ITGBL1: variants seen among roughly 807,000 people sequenced by gnomAD.
ITGBL1 encodes the protein integrin subunit beta like 1.
Under a neutral mutation model 68.5 loss-of-function variants are expected in ITGBL1, and 51 were observed. The observed-to-expected ratio is 0.74, with a 90% CI of 0.59 to 0.94. ITGBL1 has a LOEUF of 0.94. ITGBL1 is among the 40% of genes least tolerant of loss of function. The pLI is 0.00. For synonymous variants in ITGBL1, 209 were observed against 227.3 expected (o/e 0.92, Z 0.72); for missense variants, 649 against 647.4 (o/e 1.00, Z -0.03).
rs375251463 is a variant in ITGBL1 at position 101,622,012 on chromosome 13, A to T, written c.1015+23713A>T. The stretch of plus-strand genomic sequence containing the variant: ...GGGAGGAAATGTTTTAATACATTTA[A>T]GATAGTGGAATATAAATAAGCAGGC... On this transcript the variant is annotated intron_variant, in intron 7 of 10. Transcript: ENST00000376180. Among the ~76,000 whole-genome samples the T allele has an allele frequency of 9.9e-5, 15 of 152,276 alleles. No individual in the cohort carries two copies. The East Asian group carries it at 2.9e-3, about 29-fold the overall frequency.
intron 2 of ITGBL1, among the ~76,000 whole-genome samples, chr13:101,477,058 A>G (rs925582967): frequency 2.6e-5 from 4 of 152,156 alleles, no homozygotes; most frequent in African/African-American, 7.2e-5. Context: ...TCCTCTGCAC[A>G]TGGATCATTC....
chr13:101,508,862 A>G (rs1234751621), intron 2 of ITGBL1, among the ~76,000 whole-genome samples: 1 of 152,106 alleles, frequency 6.6e-6, no homozygotes, highest in Non-Finnish European at 1.5e-5. Flanking sequence ...TATTGTAATA[A>G]ACTGTATTTT....
At chr13:101,555,414 A>G (rs1038178177) in intron 2 of ITGBL1, among the ~76,000 whole-genome samples, 37 of 152,130 alleles carry the variant, frequency 2.4e-4, no homozygotes, top group African/African-American at 8.9e-4. Context: ...TACTCCCTCA[A>G]CGAGGGCCCT....
intron 5 of ITGBL1, among the ~76,000 whole-genome samples, chr13:101,580,847 A>G (rs2050445175): frequency 6.6e-6 from 1 of 152,270 alleles, no homozygotes; most frequent in East Asian, 1.9e-4. Context: ...GTCCTTCAGA[A>G]ACATAAGCTA....
chr13:101,486,766 T>C (rs1035203660), intron 2 of ITGBL1, among the ~76,000 whole-genome samples: 8 of 152,224 alleles, frequency 5.3e-5, no homozygotes, highest in Non-Finnish European at 1.0e-4. Flanking sequence ...ATTGCTATTC[T>C]CTGTGGCTAT....
chr13:101,690,193 G>A lies in ITGBL1; in HGVS notation c.1016-2392G>A, dbSNP rs74122637. Among the ~76,000 whole-genome samples, 936 of 152,206 alleles carry A rather than the reference G, an allele frequency of 6.1e-3. 8 individuals are homozygous for A. Among genetic ancestry groups the A allele is most frequent in the African/African-American group, 0.021 (856 of 41,532 alleles). On this transcript the variant is annotated intron_variant, in intron 7 of 10. Coordinates refer to ENST00000376180, the MANE Select transcript of ITGBL1 (RefSeq NM_004791.3). ...TATTTATCAGGAAAGAAAATGTGCC[G>A]ACGCCAGAATATTAACACTTTATTG... is the stretch of plus-strand genomic sequence containing the variant.
chr13:101,631,502 G>A (rs988495544), intron 7 of ITGBL1, among the ~76,000 whole-genome samples: 3 of 152,042 alleles, frequency 2.0e-5, no homozygotes, highest in South Asian at 2.1e-4. Context: ...CCCACACAGA[G>A]AAACTGCAGA....
chr13:101,601,879 G>A (rs1226624458), intron 7 of ITGBL1, among the ~76,000 whole-genome samples: 4 of 152,048 alleles, frequency 2.6e-5, no homozygotes, highest in Admixed American at 6.6e-5. Context: ...TTTGGAATAG[G>A]TGTGGTCTGG....
Position 101,610,185 on chromosome 13 carries a change from G to A in ITGBL1, c.1015+11886G>A, listed in dbSNP as rs543555440. Among the ~76,000 whole-genome samples, 8 of 152,152 alleles carry A rather than the reference G, an allele frequency of 5.3e-5. 1 individual carries two copies. In the East Asian group the frequency reaches 1.3e-3, roughly 26 times the overall value. On this transcript the variant is annotated intron_variant, in intron 7 of 10. Coordinates refer to ENST00000376180, the MANE Select transcript of ITGBL1 (RefSeq NM_004791.3). ...GTGCAGATTGTAGTGGAGAGCTTTA[G>A]CAGTTATTTACCTGATTTCATTCAA...
chr13:101,641,837 T>A (rs2032388814), intron 7 of ITGBL1, among the ~76,000 whole-genome samples: 2 of 150,966 alleles, frequency 1.3e-5, no homozygotes, highest in African/African-American at 4.9e-5. Context: ...CTTGCGATAG[T>A]TTACTGAGAA....
At chr13:101,605,790 G>A (rs910977455) in intron 7 of ITGBL1, among the ~76,000 whole-genome samples, 4 of 2,446 alleles carry the variant, frequency 1.6e-3, no homozygotes, top group Non-Finnish European at 5.9e-3. Flanking sequence ...ATGTATGTGC[G>A]TATATGTACT....
intron 2 of ITGBL1, among the ~76,000 whole-genome samples, chr13:101,459,505 G>GC (rs1328969134): frequency 6.6e-6 from 1 of 152,278 alleles, no homozygotes; most frequent in East Asian, 1.9e-4. Context: ...ACTTTGGGAG[G>GC]CTGAGGTAGC....
intron 7 of ITGBL1, among the ~76,000 whole-genome samples, chr13:101,643,513 G>C (rs539477157): frequency 6.6e-6 from 1 of 152,290 alleles, no homozygotes; most frequent in South Asian, 2.1e-4. Context: ...TCTGCAAACA[G>C]GGACAAAGAG....
intron 2 of ITGBL1, among the ~76,000 whole-genome samples, chr13:101,542,240 A>G (rs2049720450): frequency 6.6e-6 from 1 of 152,158 alleles, no homozygotes; most frequent in Admixed American, 6.5e-5. Flanking sequence ...TGTCTCAGAG[A>G]TTCTGGTAAG....
chr13:101,617,873 A>C (rs1321509264), intron 7 of ITGBL1, among the ~76,000 whole-genome samples: 4 of 152,140 alleles, frequency 2.6e-5, no homozygotes, highest in African/African-American at 9.7e-5. Flanking sequence ...AGTAGTGAAG[A>C]AGTATTAATG....
chr13:101,564,342 A>T (rs2050146976), intron 2 of ITGBL1, among the ~76,000 whole-genome samples: 1 of 151,966 alleles, frequency 6.6e-6, no homozygotes, highest in Admixed American at 6.6e-5. Flanking sequence ...CCACTATTAA[A>T]GAAAAAACTT....
chr13:101,655,682 G>A (rs2032898564), intron 7 of ITGBL1, among the ~76,000 whole-genome samples: 1 of 152,114 alleles, frequency 6.6e-6, no homozygotes, highest in South Asian at 2.1e-4. Flanking sequence ...ACATTCATTT[G>A]CTTCTCCATT....
At chr13:101,475,911 T>C (rs77966574) in intron 2 of ITGBL1, among the ~76,000 whole-genome samples, 1 of 152,132 alleles carries the variant, frequency 6.6e-6, no homozygotes, top group Non-Finnish European at 1.5e-5. Context: ...AACAAAAGCT[T>C]AGGATTTCAT....
chr13:101,670,682 T>G (rs141895052), intron 7 of ITGBL1, among the ~76,000 whole-genome samples: 114 of 152,314 alleles, frequency 7.5e-4, no homozygotes, highest in African/African-American at 2.6e-3. Flanking sequence ...TAAGTCTTTT[T>G]GACTTCAAAT....
Sources: gnomAD v4.1 joint callset for allele counts (sites outside exome capture counted in the v4.1 genomes callset) on GRCh38, gnomAD v4.1.1 for gene constraint, MANE v1.5 for transcripts, NCBI Gene and HGNC (gene_info 2026-07-23, HGNC 2026-07-21) for gene names.